Variants in NEK7 observed in about 807,000 individuals in gnomAD.
The protein encoded by NEK7 is NIMA related kinase 7.
A neutral mutation model predicts 44.6 loss-of-function variants in NEK7; 18 were observed. The ratio of observed to expected loss-of-function variants is 0.40; its 90% CI spans 0.28 to 0.60. The LOEUF (loss-of-function observed/expected upper bound fraction) is 0.60, where lower values mean the gene tolerates loss of function less well. NEK7 is among the 20% of genes least tolerant of loss of function. NEK7 has a pLI of 0.38. For synonymous variants in NEK7, 130 were observed against 121.1 expected (o/e 1.07, Z -0.48); for missense variants, 256 against 366.5 (o/e 0.70, Z 2.46).
chr1:198,246,771 A>C (rs1666847104), intron 2 of NEK7, among the ~76,000 whole-genome samples: 1 of 152,254 alleles, frequency 6.6e-6, no homozygotes, highest in Non-Finnish European at 1.5e-5. Flanking sequence ...TGGAATTCCC[A>C]GTCAAATTTA....
intron 2 of NEK7, among the ~76,000 whole-genome samples, chr1:198,239,154 T>C (rs1200967580): frequency 1.3e-5 from 2 of 152,236 alleles, no homozygotes; most frequent in African/African-American, 2.4e-5. Context: ...GTTCATTCTC[T>C]ACATTGCAGC....
At chr1:198,198,099 G>A (rs1665298287) in intron 1 of NEK7, 1 of 1,369,030 alleles carries the variant, frequency 7.3e-7, no homozygotes, top group African/African-American at 1.5e-5. Context: ...TTGATAGGTG[G>A]TGGGTGGGCA....
rs536810127 is a variant in NEK7 at position 198,189,318 on chromosome 1, A to G, written c.-29+32042A>G. Among the ~76,000 whole-genome samples, 4 of 152,296 alleles carry G rather than the reference A, an allele frequency of 2.6e-5. No homozygotes were observed. The East Asian group carries it at 7.7e-4, about 29-fold the overall frequency. ...GTATGAACTGACATCTTACAATTAG[A>G]TAAGTTATATTTAAAGCACAATTGA... On this transcript the variant is annotated intron_variant, in intron 1 of 9. Transcript: ENST00000367385.
intron 5 of NEK7, among the ~76,000 whole-genome samples, chr1:198,271,535 T>C (rs1193334686): frequency 6.6e-6 from 1 of 152,050 alleles, no homozygotes; most frequent in Non-Finnish European, 1.5e-5. Flanking sequence ...TATCCAAATG[T>C]AGAGGTTGTA....
intron 5 of NEK7, among the ~76,000 whole-genome samples, chr1:198,266,713 A>G (rs1653665923): frequency 6.6e-6 from 1 of 152,098 alleles, no homozygotes; most frequent in South Asian, 2.1e-4. Flanking sequence ...TGGTTAAGTA[A>G]TATAATATAT....
Position 198,260,051 on chromosome 1 carries a change from A to G in NEK7, c.199-2524A>G, listed in dbSNP as rs1653404800. ...TGGTTTTCTTATTTGTATCTGTAAT[A>G]AAATCTGATAGTAAGATGGCATTCA... On this transcript the variant is annotated intron_variant, in intron 3 of 9. Coordinates refer to ENST00000367385, the MANE Select transcript of NEK7 (RefSeq NM_133494.3). 2.0e-5 allele frequency among the ~76,000 whole-genome samples: 3 copies of G among 152,190 alleles called. No individual in the cohort carries two copies. In the South Asian group the frequency reaches 6.2e-4, roughly 31 times the overall value.
intron 1 of NEK7, among the ~76,000 whole-genome samples, chr1:198,194,319 G>A (rs1202825096): frequency 6.1e-5 from 9 of 148,136 alleles, no homozygotes; most frequent in Non-Finnish European, 1.2e-4. Context: ...TTTTAAGTTC[G>A]GGGCATGTGG....
At chr1:198,217,081 G>A (rs1357362395) in intron 1 of NEK7, among the ~76,000 whole-genome samples, 1 of 151,544 alleles carries the variant, frequency 6.6e-6, no homozygotes, top group Non-Finnish European at 1.5e-5. Flanking sequence ...GAGAAGGAGA[G>A]AATCCTCCTG....
At chr1:198,226,169 C>A (rs2884687) in intron 1 of NEK7, among the ~76,000 whole-genome samples, 51,056 of 151,676 alleles carry the variant, frequency 0.34, 9,834 homozygotes, top group East Asian at 0.8. Flanking sequence ...GTACGAGATA[C>A]ACTATTTGGT....
intron 2 of NEK7, among the ~76,000 whole-genome samples, chr1:198,238,256 G>T (rs1666590243): frequency 6.6e-6 from 1 of 151,936 alleles, no homozygotes; most frequent in Non-Finnish European, 1.5e-5. Flanking sequence ...ATTCTCCCTT[G>T]CCCACATACA....
At chr1:198,309,268 G>T (rs1042937297) in intron 9 of NEK7, among the ~76,000 whole-genome samples, 2 of 151,940 alleles carry the variant, frequency 1.3e-5, no homozygotes, top group Non-Finnish European at 2.9e-5. Context: ...AAAGATATAG[G>T]GGCATGAAGC....
At chr1:198,179,317 A>G (rs893623933) in intron 1 of NEK7, among the ~76,000 whole-genome samples, 4 of 152,072 alleles carry the variant, frequency 2.6e-5, no homozygotes, top group Non-Finnish European at 1.5e-5. Flanking sequence ...TGTGTAAAAC[A>G]TTTTTTAAAA....
intron 3 of NEK7, chr1:198,256,414 A>G (rs1157776344): frequency 1.2e-6 from 2 of 1,612,100 alleles, no homozygotes; most frequent in Admixed American, 1.7e-5. Context: ...CTGAGAGCCT[A>G]CAGTATATGG....
chr1:198,231,426 G>T (rs747858642), intron 1 of NEK7, among the ~76,000 whole-genome samples: 4 of 149,032 alleles, frequency 2.7e-5, no homozygotes, highest in African/African-American at 4.9e-5. Flanking sequence ...TATCATTTGA[G>T]GTCAGTTGGA....
chr1:198,171,640 C>CTGCA (rs1444665200), intron 1 of NEK7, among the ~76,000 whole-genome samples: 1 of 151,480 alleles, frequency 6.6e-6, no homozygotes, highest in Admixed American at 6.6e-5. Flanking sequence ...GATTGTGCAA[C>CTGCA]TGCACTCCAG....
chr1:198,265,333 A>G (rs1423271535), intron 5 of NEK7, among the ~76,000 whole-genome samples: 1 of 152,176 alleles, frequency 6.6e-6, no homozygotes, highest in Non-Finnish European at 1.5e-5. Context: ...ATCTAGAAAC[A>G]AACAAGAATA....
intron 1 of NEK7, among the ~76,000 whole-genome samples, chr1:198,177,376 C>T (rs1664633006): frequency 1.3e-5 from 2 of 152,024 alleles, no homozygotes; most frequent in South Asian, 4.1e-4. Flanking sequence ...AAAATCAAAG[C>T]AGAGGATTGT....
At chr1:198,283,339 ATCTTTTC>A (rs1654269616) in intron 7 of NEK7, among the ~76,000 whole-genome samples, 1 of 152,078 alleles carries the variant, frequency 6.6e-6, no homozygotes, top group African/African-American at 2.4e-5. Context: ...GCGAGTCTGC[ATCTTTTC>A]CTCTCAGAGT....
chr1:198,253,905 G>A (rs1653164126), intron 3 of NEK7, among the ~76,000 whole-genome samples: 2 of 152,060 alleles, frequency 1.3e-5, no homozygotes, highest in African/African-American at 4.8e-5. Flanking sequence ...TTGTCTTTCT[G>A]CCTTCCAGTG....
Sources: gnomAD v4.1 joint callset for allele counts (sites outside exome capture counted in the v4.1 genomes callset) on GRCh38, gnomAD v4.1.1 for gene constraint, MANE v1.5 for transcripts, NCBI Gene and HGNC (gene_info 2026-07-23, HGNC 2026-07-21) for gene names.